The following COLEC10 variants were observed in gnomAD, a reference collection of about 807,000 sequenced individuals.
The protein encoded by COLEC10 is collectin-10.
In COLEC10, 22 loss-of-function variants were observed where a neutral mutation model predicts 28.4. That is an observed-to-expected ratio of 0.78 (90% CI 0.55 to 1.11). The LOEUF is 1.11. Among genes scored for constraint, COLEC10 ranks in the 50% least tolerant of loss-of-function variants. The pLI is 0.00. For synonymous variants in COLEC10, 125 were observed against 116.1 expected, an observed-to-expected ratio of 1.08 and a Z score of -0.49; for missense variants, 361 against 344.1, an observed-to-expected ratio of 1.05 and a Z score of -0.39.
At chr8:119,038,590 G>A (rs1814433679) in intron 2 of COLEC10, among the ~76,000 whole-genome samples, 1 of 152,136 alleles carries the variant, frequency 6.6e-6, no homozygotes, top group Non-Finnish European at 1.5e-5. Flanking sequence ...CATTTACTCT[G>A]CTCCCCATTC....
chr8:119,092,539 A>T (rs1815628509), intron 3 of COLEC10, among the ~76,000 whole-genome samples: 1 of 152,202 alleles, frequency 6.6e-6, no homozygotes. Context: ...TTACTTAGAG[A>T]TACAAAACTG....
the COLEC10 span, among the ~76,000 whole-genome samples, chr8:118,989,534 TACACACACACACACACAC>T: frequency 1.2e-4 from 15 of 128,660 alleles, no homozygotes; most frequent in Admixed American, 1.6e-4. Flanking sequence ...ACAGACAAAA[TACACACACACACACACAC>T]ACACACACAC....
the COLEC10 span, among the ~76,000 whole-genome samples, chr8:118,960,027 T>C: frequency 3.3e-5 from 5 of 152,188 alleles, no homozygotes; most frequent in African/African-American, 4.8e-5. Context: ...GAAAGGCTTC[T>C]TGAAAGAGAA....
At chr8:119,012,332 T>C (rs1429843797) in intron 2 of COLEC10, among the ~76,000 whole-genome samples, 1 of 150,744 alleles carries the variant, frequency 6.6e-6, no homozygotes, top group Non-Finnish European at 1.5e-5. Flanking sequence ...ACGGTTATGG[T>C]GTATCATTCT....
the COLEC10 span, among the ~76,000 whole-genome samples, chr8:118,964,967 CT>C: frequency 6.6e-6 from 1 of 152,126 alleles, no homozygotes; most frequent in Admixed American, 6.6e-5. Context: ...CTTGTTCCAC[CT>C]AGGTGAAGGT....
At chr8:119,085,599 C>CTTCTTTT (rs1563739053) in intron 1 of COLEC10, among the ~76,000 whole-genome samples, 11 of 63,554 alleles carry the variant, frequency 1.7e-4, no homozygotes, top group South Asian at 1.2e-3. Flanking sequence ...TCTTCTTCTT[C>CTTCTTTT]TTTTTTTTTT....
chr8:119,082,596 C>T (rs565601988), intron 1 of COLEC10, among the ~76,000 whole-genome samples: 17 of 152,152 alleles, frequency 1.1e-4, no homozygotes, highest in South Asian at 4.1e-4. Flanking sequence ...CCATTGAAGA[C>T]GGAGATGGAG....
At chr8:119,042,672 T>C (rs973079440) in intron 2 of COLEC10, among the ~76,000 whole-genome samples, 1 of 152,196 alleles carries the variant, frequency 6.6e-6, no homozygotes, top group Non-Finnish European at 1.5e-5. Flanking sequence ...CATTCGGGTT[T>C]GAATTCTGAC....
the COLEC10 span, among the ~76,000 whole-genome samples, chr8:118,978,784 CA>C: frequency 6.6e-6 from 1 of 151,952 alleles, no homozygotes; most frequent in African/African-American, 2.4e-5. Flanking sequence ...TTTACCCTCC[CA>C]CCAACAGTAT....
At chr8:119,080,149 G>T (rs1268790637) in intron 1 of COLEC10, among the ~76,000 whole-genome samples, 2 of 152,046 alleles carry the variant, frequency 1.3e-5, no homozygotes, top group African/African-American at 2.4e-5. Flanking sequence ...TTGCTTTGTT[G>T]GATGCCAGTT....
chr8:119,044,928 T>C (rs1397191279), intron 2 of COLEC10, among the ~76,000 whole-genome samples: 1 of 152,126 alleles, frequency 6.6e-6, no homozygotes, highest in Non-Finnish European at 1.5e-5. Context: ...AGTTGGTATA[T>C]TTCTCTGGGC....
chr8:119,044,889 C>A (rs74969830), intron 2 of COLEC10, among the ~76,000 whole-genome samples: 4,392 of 151,200 alleles, frequency 0.029, 121 homozygotes, highest in East Asian at 0.16. Context: ...GATGCAAGTG[C>A]AGTTCTTAGC....
intron 2 of COLEC10, among the ~76,000 whole-genome samples, chr8:119,047,854 C>G (rs7844871): frequency 6.6e-6 from 1 of 152,042 alleles, no homozygotes; most frequent in African/African-American, 2.4e-5. Context: ...CTTTCTCTCT[C>G]TATATATATG....
upstream of COLEC10, among the ~76,000 whole-genome samples, chr8:118,990,935 A>T (rs1214840683): frequency 6.6e-6 from 1 of 152,020 alleles, no homozygotes; most frequent in East Asian, 1.9e-4. Context: ...TGTCAATTCC[A>T]TATACTTAGT....
rs76073355 is a variant in COLEC10 at position 119,048,462 on chromosome 8, T to G, written n.235+38909T>G. Among the ~76,000 whole-genome samples the G allele has an allele frequency of 2.1e-4, 32 of 152,330 alleles. No individual in the cohort carries two copies. The East Asian group carries it at 5.8e-3, about 28-fold the overall frequency. On this transcript the variant is annotated intron_variant and non_coding_transcript_variant, in intron 2 of 6. Coordinates refer to the COLEC10 transcript ENST00000521788. ...GGACATTGACGCCTCCCACTGTTAT[T>G]GTGTGGTTGTCTAAGTCTTTTTATA...
At chr8:118,968,837 G>A in the COLEC10 span, among the ~76,000 whole-genome samples, 1 of 151,618 alleles carries the variant, frequency 6.6e-6, no homozygotes, top group Admixed American at 6.6e-5. Flanking sequence ...TGTTCTCATT[G>A]TTCAACTCCC....
In COLEC10 at chr8:119,108,098, T is replaced by A. The variant is rs576082164; in HGVS notation, c.*1907T>A. On this transcript the variant is annotated 3_prime_UTR_variant, in exon 6 of 6. Transcript: ENST00000332843. The stretch of plus-strand genomic sequence containing the variant: ...AGCTTAATAATAGGAATTTGTTATA[T>A]GTTTGACATTTATCAGGTTACTAGT... 7.2e-5 allele frequency among the ~76,000 whole-genome samples: 11 copies of A among 152,302 alleles called. No homozygotes were observed. In the South Asian group the frequency reaches 2.3e-3, roughly 32 times the overall value.
intron 1 of COLEC10, among the ~76,000 whole-genome samples, chr8:119,001,221 G>C (rs1244309075): frequency 6.6e-6 from 1 of 152,096 alleles, no homozygotes; most frequent in Admixed American, 6.5e-5. Context: ...ATAAGGAGTA[G>C]AAGATTGAAA....
intron 1 of COLEC10, among the ~76,000 whole-genome samples, chr8:118,996,326 C>T (rs937359281): frequency 1.6e-4 from 24 of 152,200 alleles, no homozygotes; most frequent in African/African-American, 2.2e-4. Flanking sequence ...AAACATGGGA[C>T]GGCGCATATC....
Sources: gnomAD v4.1 joint callset for allele counts (sites outside exome capture counted in the v4.1 genomes callset) on GRCh38, gnomAD v4.1.1 for gene constraint, MANE v1.5 for transcripts, NCBI Gene and HGNC (gene_info 2026-07-23, HGNC 2026-07-21) for gene names.